The following RNASEK variants were observed in gnomAD, a reference collection of about 807,000 sequenced individuals.
The protein encoded by RNASEK is ribonuclease kappa.
RNASEK carries 7 observed loss-of-function variants against 11.2 expected under a neutral mutation model. That is an observed-to-expected ratio of 0.62 (90% CI 0.35 to 1.17). RNASEK has a LOEUF of 1.17. Ranked by LOEUF, RNASEK falls within the 50% of genes most tolerant of loss-of-function variation. The pLI is 0.02. For synonymous variants in RNASEK, 46 were observed against 49.5 expected (o/e 0.93, Z 0.30); for missense variants, 101 against 126.7 (o/e 0.80, Z 0.97).
intron 1 of RNASEK, chr17:7,013,136 A>G: frequency 2.1e-6 from 1 of 480,044 alleles, no homozygotes; most frequent in Non-Finnish European, 3.7e-6. Context: ...AAAGAAAAAG[A>G]AAAAAGGGAA....
Position 7,013,757 on chromosome 17 carries a change from G to T in RNASEK, c.155+15G>T. 1 of 1,575,530 alleles carries T rather than the reference G, an allele frequency of 6.3e-7. No homozygotes were observed. The highest frequency in any genetic ancestry group is 2.2e-5 in the East Asian group (1 of 44,722). On this transcript the variant is annotated intron_variant, in intron 2 of 2. Transcript: ENST00000593646. The stretch of plus-strand genomic sequence containing the variant: ...AAAGATTTTGAGTAAGTATTCGGGT[G>T]GGGGAGGCGGGCTGGGAGCAGGTGG...
Position 7,014,372 on chromosome 17 carries a change from C to A in RNASEK, c.*86C>A, listed in dbSNP as rs769049104. On this transcript the variant is annotated 3_prime_UTR_variant, in exon 3 of 3. Transcript: ENST00000593646. The surrounding 1 kb of genome is among the most constrained non-coding windows in gnomAD (Gnocchi z 4.5). ...CACCCAGGTCGCGTCCCACCCTTGC[C>A]GGCGCCCTCTGCGGGACTGGGTTTC... The A allele has an allele frequency of 2.7e-6, 4 of 1,459,576 alleles. No homozygotes were observed. Among genetic ancestry groups the A allele is most frequent in the African/African-American group, 2.8e-5 (2 of 71,070 alleles). 90.4% of individuals were successfully genotyped at this position (1,459,576 alleles called of 1,614,324 possible).
chr17:7,013,803 C>A, intron 2 of RNASEK, 61 bp downstream of exon 2: 3 of 1,310,806 alleles, frequency 2.3e-6, no homozygotes, highest in South Asian at 2.4e-5. Flanking sequence ...GGCCTAGGGT[C>A]AGAATTACGT....
intron 1 of RNASEK, 78 bp downstream of exon 1, chr17:7,012,839 T>A: frequency 7.2e-7 from 1 of 1,381,766 alleles, no homozygotes; most frequent in Non-Finnish European, 1.0e-6. Context: ...GAGGAAACTC[T>A]GGGCCGCAGG....
In RNASEK at chr17:7,013,646, T is replaced by C. The variant is rs1909592867; in HGVS notation, c.79-20T>C. 6.2e-7 allele frequency: 1 copy of C among 1,609,538 alleles called. No individual in the cohort carries two copies. The highest frequency in any genetic ancestry group is 1.7e-5 in the Admixed American group (1 of 60,002). On this transcript the variant is annotated intron_variant, in intron 1 of 2. Transcript: ENST00000593646. ...GGTCAGGTGCCTGAATTCAACAGTC[T>C]ACCCATTCCCCTTTTCCAGATAATG...
chr17:7,013,538 A>T, intron 1 of RNASEK, 128 bp from the exon 2 acceptor site: 9 of 1,606,266 alleles, frequency 5.6e-6, no homozygotes, highest in Non-Finnish European at 7.6e-6. Flanking sequence ...CGAATCCAGT[A>T]ACCACCACCT....
intron 1 of RNASEK, 42 bp from the exon 2 acceptor site, chr17:7,013,624 C>T: frequency 6.3e-7 from 1 of 1,595,684 alleles, no homozygotes; most frequent in Non-Finnish European, 8.6e-7. Flanking sequence ...AACATGAGGT[C>T]AGGTGCCTGA....
chr17:7,013,406 C>T (rs1483132745), intron 1 of RNASEK: 12 of 1,535,726 alleles, frequency 7.8e-6, no homozygotes, highest in Non-Finnish European at 1.0e-5. Context: ...GTGATGATGA[C>T]GCCTCCAGAG....
chr17:7,013,752 CGGGTGG>C lies in RNASEK; in HGVS notation c.155+14_155+19del. 1 of 600,844 alleles carries C rather than the reference CGGGTGG, an allele frequency of 1.7e-6. No homozygotes were observed. Among genetic ancestry groups the C allele is most frequent in the Non-Finnish European group, 3.1e-6 (1 of 322,660 alleles). 37.2% of individuals were successfully genotyped at this position (600,844 alleles called of 1,614,324 possible). On this transcript the variant is annotated intron_variant, in intron 2 of 2. Coordinates refer to ENST00000593646, the MANE Select transcript of RNASEK (RefSeq NM_001004333.5). ...CGGAGAAAGATTTTGAGTAAGTATTCGGGTGGGGGAGGCGGGCTGGGAGCAGGTGGG... is the reference window on the plus strand; with the variant it reads ...CGGAGAAAGATTTTGAGTAAGTATTCGGGAGGCGGGCTGGGAGCAGGTGGG...
At chr17:7,013,882 G>A in intron 2 of RNASEK, 140 bp downstream of exon 2, 2 of 788,950 alleles carry the variant, frequency 2.5e-6, no homozygotes, top group Non-Finnish European at 2.2e-6. Flanking sequence ...TCTTGAGAAT[G>A]TGGTTAGGAG....
chr17:7,014,289 C>T lies in RNASEK; in HGVS notation c.*3C>T, dbSNP rs1291486064. 6.2e-7 allele frequency: 1 copy of T among 1,613,648 alleles called. No individual in the cohort carries two copies. Among genetic ancestry groups the T allele is most frequent in the African/African-American group, 1.3e-5 (1 of 75,040 alleles). On this transcript the variant is annotated 3_prime_UTR_variant, in exon 3 of 3. Coordinates refer to ENST00000593646, the MANE Select transcript of RNASEK (RefSeq NM_001004333.5). The surrounding 1 kb of genome is among the most constrained non-coding windows in gnomAD (Gnocchi z 4.5). ...GCAAGGAATACATGGTGCGCTAGGG[C>T]CCCGGCGCGTTTCCCCGCTCCAGCC... is the stretch of plus-strand genomic sequence containing the variant.
rs1376872838 is a variant in RNASEK, at chr17:7,012,667, C to T, written c.-17C>T. ...CCGAGCCCGCTTGCACCTCGGCGATCCCCGACTCCCTTCTTTATGGCGTCG... is the reference window on the plus strand; with the variant it reads ...CCGAGCCCGCTTGCACCTCGGCGATTCCCGACTCCCTTCTTTATGGCGTCG... On this transcript the variant is annotated 5_prime_UTR_variant, in exon 1 of 3. Coordinates refer to ENST00000593646, the MANE Select transcript of RNASEK (RefSeq NM_001004333.5). 1 of 1,612,276 alleles carries T rather than the reference C, an allele frequency of 6.2e-7. No individual in the cohort carries two copies. Among genetic ancestry groups the T allele is most frequent in the Middle Eastern group, 1.7e-4 (1 of 6,060 alleles).
At chr17:7,012,912 G>A in intron 1 of RNASEK, 151 bp downstream of exon 1, 1 of 677,172 alleles carries the variant, frequency 1.5e-6, no homozygotes, top group Non-Finnish European at 2.5e-6. Flanking sequence ...ATTGAAAAAT[G>A]GGAACTGTTC....
At chr17:7,012,857 G>A in intron 1 of RNASEK, 96 bp downstream of exon 1, 1 of 1,135,728 alleles carries the variant, frequency 8.8e-7, no homozygotes, top group East Asian at 2.5e-5. Flanking sequence ...AGGCAGGCCG[G>A]AGGGGCCGGG....
chr17:7,013,610 A>T (rs1909588790), intron 1 of RNASEK, 56 bp from the exon 2 acceptor site: 2 of 1,592,644 alleles, frequency 1.3e-6, no homozygotes, highest in Non-Finnish European at 1.7e-6. Context: ...GGGTTTACGA[A>T]GTGAACATGA....
At chr17:7,012,791 A>G (rs1453351803) in intron 1 of RNASEK, 30 bp downstream of exon 1, 2 of 1,594,002 alleles carry the variant, frequency 1.3e-6, no homozygotes, top group East Asian at 2.2e-5. Context: ...AGGATCGGAG[A>G]GGGCCTGAGG....
Position 7,014,194 on chromosome 17 carries a change from T to C in RNASEK, c.205T>C (p.Cys69Arg). ...CCTTTACGAGCAAGTCAGCTACAAC[T>C]GTTTCATCGCTGCAGGCCTTTACCT... is the stretch of plus-strand genomic sequence containing the variant. ...YNLYEQVSYN[C>R]FIAAGLYLLL... The change falls in exon 3 of 3, where the codon TGT (cysteine) becomes CGT (arginine). Residue 69 changes from cysteine to arginine, a missense_variant. Coordinates refer to ENST00000593646, the MANE Select transcript of RNASEK (RefSeq NM_001004333.5). The surrounding 1 kb of genome is among the most constrained non-coding windows in gnomAD (Gnocchi z 4.5). 3.1e-6 allele frequency: 5 copies of C among 1,595,042 alleles called. No individual in the cohort carries two copies. The highest frequency in any genetic ancestry group is 4.3e-6 in the Non-Finnish European group (5 of 1,170,616).
Position 7,013,363 on chromosome 17 carries a change from G to C in RNASEK, c.79-303G>C, listed in dbSNP as rs1157741021. 7.2e-6 allele frequency: 11 copies of C among 1,530,974 alleles called. No individual in the cohort carries two copies. The East Asian group carries it at 2.5e-4, about 34-fold the overall frequency. 94.8% of individuals were successfully genotyped at this position (1,530,974 alleles called of 1,614,324 possible). On this transcript the variant is annotated intron_variant, in intron 1 of 2. Transcript: ENST00000593646. ...TCAAGAAGAAATGATATGAAGAAGT[G>C]CCGGTTCTCCCTCCCCTCTTCCGCA...
Position 7,012,637 on chromosome 17 carries a change from G to A in RNASEK, c.-47G>A. On this transcript the variant is annotated 5_prime_UTR_variant, in exon 1 of 3. Transcript: ENST00000593646. ...AGGGCATCCTGGGCTTTCTCCCACCGCTTTCCGAGCCCGCTTGCACCTCGG... is the reference window on the plus strand; with the variant it reads ...AGGGCATCCTGGGCTTTCTCCCACCACTTTCCGAGCCCGCTTGCACCTCGG... 1 of 1,606,710 alleles carries A rather than the reference G, an allele frequency of 6.2e-7. No individual in the cohort carries two copies.
Sources: gnomAD v4.1 joint callset for allele counts on GRCh38, gnomAD v4.1.1 for gene constraint, Gnocchi (gnomAD v3.1) non-coding constraint, MANE v1.5 for transcripts, NCBI Gene and HGNC (gene_info 2026-07-23, HGNC 2026-07-21) for gene names.